NSG1: variants seen among roughly 807,000 people sequenced by gnomAD.
NSG1 encodes neuronal vesicle trafficking-associated protein 1.
In NSG1, 9 loss-of-function variants were observed where a neutral mutation model predicts 19.3. That is an observed-to-expected ratio of 0.47 (90% CI 0.28 to 0.81). The LOEUF (loss-of-function observed/expected upper bound fraction) is 0.81, where lower values mean the gene tolerates loss of function less well. Among genes scored for constraint, NSG1 ranks in the 40% least tolerant of loss-of-function variants. The probability of loss-of-function intolerance (pLI) is 0.11; values close to 1 mark genes in which losing one functional copy is unlikely to be tolerated. For missense variants in NSG1, 236 were observed against 242.4 expected, an observed-to-expected ratio of 0.97 and a Z score of 0.18; for synonymous variants, 104 against 107.0, an observed-to-expected ratio of 0.97 and a Z score of 0.17.
At chr4:4,409,311 C>G (rs892732690) in intron 3 of NSG1, among the ~76,000 whole-genome samples, 4 of 152,240 alleles carry the variant, frequency 2.6e-5, no homozygotes, top group Admixed American at 6.5e-5. Context: ...ACCCTGAGCT[C>G]TCTATGCAGG....
chr4:4,406,163 G>A lies in NSG1; in HGVS notation c.247-3410G>A, dbSNP rs555461795. Among the ~76,000 whole-genome samples, 8 of 152,264 alleles carry A rather than the reference G, an allele frequency of 5.3e-5. No individual in the cohort carries two copies. The South Asian group carries it at 1.5e-3, about 28-fold the overall frequency. ...CTGCCTCAGCCTCCTGAGTAGCTGG[G>A]ATTACAGGCACTCACCACCACGCCC... On this transcript the variant is annotated intron_variant, in intron 3 of 4. Transcript: ENST00000621129.
intron 3 of NSG1, among the ~76,000 whole-genome samples, chr4:4,407,064 C>T (rs879703650): frequency 6.6e-6 from 1 of 152,368 alleles, no homozygotes; most frequent in African/African-American, 2.4e-5. Context: ...GTGGGCACTG[C>T]GGCCCTGGGG....
At chr4:4,409,547 C>G in intron 3 of NSG1, 26 bp from the exon 4 acceptor site, 8 of 1,587,306 alleles carry the variant, frequency 5.0e-6, no homozygotes, top group Non-Finnish European at 6.9e-6. Flanking sequence ...TCCGGCCACC[C>G]CTGACAGTCC....
chr4:4,387,571 T>TGGG, intron 1 of NSG1, 33 bp from the exon 2 acceptor site: 37 of 567,636 alleles, frequency 6.5e-5, no homozygotes, highest in East Asian at 1.3e-4. Flanking sequence ...CGGGTCTTGC[T>TGGG]TGTGGTGACT....
At chr4:4,387,561 CGGGTCTTGCTTGTGGTGACT>C in intron 1 of NSG1, 23 bp from the exon 2 acceptor site, 1 of 1,141,988 alleles carries the variant, frequency 8.8e-7, no homozygotes, top group South Asian at 1.5e-5. Flanking sequence ...CGCCCCGCCC[CGGGTCTTGCTTGTGGTGACT>C]CCCCCCGGCC....
intron 3 of NSG1, among the ~76,000 whole-genome samples, chr4:4,403,837 C>T (rs1723702191): frequency 6.6e-6 from 1 of 152,196 alleles, no homozygotes; most frequent in Admixed American, 6.5e-5. Context: ...CGGACGTCTC[C>T]AGAGCTCCTC....
chr4:4,417,141 G>T (rs1046586027), intron 4 of NSG1, 94 bp from the exon 5 acceptor site: 31 of 1,030,986 alleles, frequency 3.0e-5, no homozygotes, highest in Admixed American at 8.8e-5. Flanking sequence ...CCAAGCTCAG[G>T]GAAGGTGCTC....
At chr4:4,388,732 G>T (rs1422349755) in intron 2 of NSG1, among the ~76,000 whole-genome samples, 4 of 152,194 alleles carry the variant, frequency 2.6e-5, no homozygotes, top group African/African-American at 9.7e-5. Flanking sequence ...TTGCTGACGG[G>T]GTGGGTGTTG....
At chr4:4,397,866 G>A (rs1422889164) in intron 3 of NSG1, among the ~76,000 whole-genome samples, 2 of 152,170 alleles carry the variant, frequency 1.3e-5, no homozygotes, top group African/African-American at 2.4e-5. Context: ...CTTCCACTGG[G>A]GCTCATGGCC....
upstream of NSG1, chr4:4,387,062 G>C (rs1035171708): frequency 1.3e-5 from 2 of 152,022 alleles, no homozygotes; most frequent in South Asian, 2.1e-4. Context: ...GAGCCCAATC[G>C]TTCGCTCCCC....
chr4:4,409,130 G>A (rs1052414396), intron 3 of NSG1, among the ~76,000 whole-genome samples: 4 of 152,346 alleles, frequency 2.6e-5, no homozygotes, highest in Middle Eastern at 3.4e-3. Flanking sequence ...GCGACACTGC[G>A]TCCCAGCACT....
chr4:4,407,880 C>T (rs1184244349), intron 3 of NSG1, among the ~76,000 whole-genome samples: 1 of 152,114 alleles, frequency 6.6e-6, no homozygotes, highest in Non-Finnish European at 1.5e-5. Flanking sequence ...CACCCTGGGC[C>T]CTGGTGCTGG....
At chr4:4,405,861 G>A (rs1363666013) in intron 3 of NSG1, among the ~76,000 whole-genome samples, 5 of 152,160 alleles carry the variant, frequency 3.3e-5, no homozygotes, top group Admixed American at 1.3e-4. Context: ...GGAAAGGCTT[G>A]GCCAGGTTTC....
chr4:4,405,171 C>T (rs935118187), intron 3 of NSG1, among the ~76,000 whole-genome samples: 1 of 152,234 alleles, frequency 6.6e-6, no homozygotes, highest in South Asian at 2.1e-4. Context: ...CTCCTAGTTC[C>T]TGGAGGTTGC....
chr4:4,412,233 C>T (rs1283223401), intron 4 of NSG1, among the ~76,000 whole-genome samples: 1 of 152,082 alleles, frequency 6.6e-6, no homozygotes, highest in Non-Finnish European at 1.5e-5. Context: ...CTAAAACTGC[C>T]TTCCCTATCC....
intron 3 of NSG1, among the ~76,000 whole-genome samples, chr4:4,403,030 C>T (rs1723650890): frequency 1.3e-5 from 2 of 152,326 alleles, no homozygotes; most frequent in African/African-American, 2.4e-5. Flanking sequence ...TCTGGGTCGG[C>T]TCCAGGTGTC....
intron 3 of NSG1, among the ~76,000 whole-genome samples, chr4:4,408,967 G>A (rs1340193004): frequency 2.6e-5 from 4 of 152,260 alleles, no homozygotes; most frequent in Admixed American, 6.5e-5. Flanking sequence ...TGCTGGGGCT[G>A]TCTAGTGCTC....
At chr4:4,392,586 C>T (rs938177935) in intron 3 of NSG1, among the ~76,000 whole-genome samples, 1 of 152,178 alleles carries the variant, frequency 6.6e-6, no homozygotes, top group Admixed American at 6.5e-5. Flanking sequence ...GGGAGCCATC[C>T]CTGGTTAACA....
chr4:4,387,561 C>CGGGGGGGGGGGTGG, intron 1 of NSG1, 43 bp from the exon 2 acceptor site: 4 of 1,141,986 alleles, frequency 3.5e-6, no homozygotes, highest in Non-Finnish European at 3.7e-6. Flanking sequence ...CGCCCCGCCC[C>CGGGGGGGGGGGTGG]GGGTCTTGCT....
Sources: allele counts gnomAD v4.1 joint callset (sites outside exome capture counted in the v4.1 genomes callset), GRCh38; gene constraint gnomAD v4.1.1; transcripts MANE v1.5; gene names NCBI Gene and HGNC (gene_info 2026-07-23, HGNC 2026-07-21).